The following PPFIA2 variants were observed in gnomAD, a reference collection of about 807,000 sequenced individuals.
PPFIA2 encodes the protein PPFI scaffold protein A2.
PPFIA2 carries 46 observed loss-of-function variants against 175.5 expected under a neutral mutation model. That is an observed-to-expected ratio of 0.26 (90% CI 0.21 to 0.34). The LOEUF (loss-of-function observed/expected upper bound fraction) is 0.34, where lower values mean the gene tolerates loss of function less well. PPFIA2 is among the 10% of genes least tolerant of loss of function. PPFIA2 has a pLI of 1.00. For synonymous variants in PPFIA2, 568 were observed against 511.4 expected, an observed-to-expected ratio of 1.11 and a Z score of -1.49; for missense variants, 1,179 against 1,506.1, an observed-to-expected ratio of 0.78 and a Z score of 3.60.
intron 4 of PPFIA2, among the ~76,000 whole-genome samples, chr12:81,489,193 T>C (rs913077500): frequency 6.6e-6 from 1 of 151,668 alleles, no homozygotes; most frequent in African/African-American, 2.4e-5. Flanking sequence ...TTGGAAAGAG[T>C]TTAAAATTTA....
chr12:81,437,802 C>T (rs2049354888), intron 7 of PPFIA2, among the ~76,000 whole-genome samples: 1 of 152,020 alleles, frequency 6.6e-6, no homozygotes, highest in Admixed American at 6.6e-5. Flanking sequence ...GTTCCAGGAA[C>T]AAGTACACCC....
intron 3 of PPFIA2, among the ~76,000 whole-genome samples, chr12:81,685,106 G>A (rs1026756780): frequency 6.6e-6 from 1 of 151,874 alleles, no homozygotes; most frequent in Non-Finnish European, 1.5e-5. Context: ...ATAGTGTGTT[G>A]GTTCACAGCA....
chr12:81,343,013 T>TA (rs1242971558), intron 19 of PPFIA2, among the ~76,000 whole-genome samples: 4 of 151,836 alleles, frequency 2.6e-5, no homozygotes, highest in Non-Finnish European at 5.9e-5. Flanking sequence ...GAATATCACT[T>TA]AGAGTTTTGG....
intron 5 of PPFIA2, among the ~76,000 whole-genome samples, chr12:81,450,458 A>G (rs971688393): frequency 6.6e-6 from 1 of 152,130 alleles, no homozygotes; most frequent in Non-Finnish European, 1.5e-5. Context: ...GTCTGTTCGT[A>G]TCCTTCGCCC....
At chr12:81,618,487 G>T (rs2061642883) in intron 4 of PPFIA2, among the ~76,000 whole-genome samples, 1 of 148,624 alleles carries the variant, frequency 6.7e-6, no homozygotes, top group Non-Finnish European at 1.5e-5. Flanking sequence ...ATAATTAAAA[G>T]AACTTTCATT....
At chr12:81,623,299 A>G (rs1444852963) in intron 4 of PPFIA2, among the ~76,000 whole-genome samples, 1 of 152,054 alleles carries the variant, frequency 6.6e-6, no homozygotes, top group Non-Finnish European at 1.5e-5. Flanking sequence ...CAAAATAGTG[A>G]AAAGAGAGAT....
chr12:81,709,734 GT>G (rs1010311932), intron 3 of PPFIA2, among the ~76,000 whole-genome samples: 7 of 151,956 alleles, frequency 4.6e-5, no homozygotes, highest in Non-Finnish European at 1.0e-4. Context: ...CAAATCTCCT[GT>G]GTTGAATACT....
chr12:81,459,458 TATC>T (rs979799463), intron 4 of PPFIA2, among the ~76,000 whole-genome samples: 6 of 152,274 alleles, frequency 3.9e-5, no homozygotes, highest in African/African-American at 9.6e-5. Context: ...TCTGTATATT[TATC>T]ATACTAATTA....
chr12:81,585,397 C>G (rs2075162112), intron 4 of PPFIA2, among the ~76,000 whole-genome samples: 1 of 151,646 alleles, frequency 6.6e-6, no homozygotes, highest in Admixed American at 6.6e-5. Flanking sequence ...TTTGACTCTT[C>G]TGTAATAACA....
intron 7 of PPFIA2, among the ~76,000 whole-genome samples, chr12:81,437,985 T>A (rs949067801): frequency 2.6e-5 from 4 of 151,844 alleles, no homozygotes; most frequent in African/African-American, 4.8e-5. Context: ...AATCTGGTCA[T>A]CAAAAAGTTT....
chr12:81,584,275 C>G (rs2074857583), intron 4 of PPFIA2, among the ~76,000 whole-genome samples: 1 of 151,790 alleles, frequency 6.6e-6, no homozygotes, highest in African/African-American at 2.4e-5. Context: ...TGTAGTCAGA[C>G]AGTGATAAAT....
chr12:81,375,599 A>G lies in PPFIA2; in HGVS notation c.1131+197T>C. 4 of 604,622 alleles carry G rather than the reference A, an allele frequency of 6.6e-6. No individual in the cohort carries two copies. In the South Asian group the frequency reaches 8.2e-5, roughly 12 times the overall value. 37.5% of individuals were successfully genotyped at this position (604,622 alleles called of 1,614,324 possible). ...GTAAATCAGAGTCATTATTTGTATTACTATTAAGATAAATAATTTATCTTT... is the reference window on the plus strand; with the variant it reads ...GTAAATCAGAGTCATTATTTGTATTGCTATTAAGATAAATAATTTATCTTT... On this transcript the variant is annotated intron_variant, in intron 10 of 32. Coordinates refer to ENST00000549396, the MANE Select transcript of PPFIA2 (RefSeq NM_003625.5).
chr12:81,374,602 ATC>A, intron 11 of PPFIA2, 30 bp downstream of exon 11: 1 of 1,572,730 alleles, frequency 6.4e-7, no homozygotes, highest in South Asian at 1.2e-5. Context: ...CTACAAATAT[ATC>A]TAGGTTGACC....
intron 3 of PPFIA2, among the ~76,000 whole-genome samples, chr12:81,723,437 C>G (rs10778828): frequency 6.6e-6 from 1 of 150,764 alleles, no homozygotes; most frequent in Non-Finnish European, 1.5e-5. Context: ...AATGAACTTT[C>G]TTAAGATTCA....
chr12:81,648,357 A>G (rs1464550358), intron 4 of PPFIA2, among the ~76,000 whole-genome samples: 1 of 152,080 alleles, frequency 6.6e-6, no homozygotes, highest in Non-Finnish European at 1.5e-5. Context: ...CTATGTAAAA[A>G]AAGCTATTAG....
intron 25 of PPFIA2, among the ~76,000 whole-genome samples, chr12:81,284,015 T>G (rs1485502482): frequency 1.3e-5 from 2 of 152,216 alleles, no homozygotes; most frequent in African/African-American, 2.4e-5. Context: ...TCCTTATTGT[T>G]TGTGTACTAT....
At chr12:81,668,399 G>A (rs554708721) in intron 4 of PPFIA2, among the ~76,000 whole-genome samples, 69 of 152,098 alleles carry the variant, frequency 4.5e-4, no homozygotes, top group Non-Finnish European at 1.3e-4. Context: ...ATTTACTGGA[G>A]AAGAAACAAA....
chr12:81,659,551 G>T (rs186933405), intron 4 of PPFIA2, among the ~76,000 whole-genome samples: 1 of 152,334 alleles, frequency 6.6e-6, no homozygotes, highest in East Asian at 1.9e-4. Flanking sequence ...AAACAAAGCA[G>T]CGGGGAAGCT....
chr12:81,703,277 C>T (rs775507356), intron 3 of PPFIA2, among the ~76,000 whole-genome samples: 24 of 152,114 alleles, frequency 1.6e-4, no homozygotes, highest in Non-Finnish European at 2.8e-4. Flanking sequence ...ACACCTCATA[C>T]TAAATAAGTT....
Sources: allele counts gnomAD v4.1 joint callset (sites outside exome capture counted in the v4.1 genomes callset), GRCh38; gene constraint gnomAD v4.1.1; transcripts MANE v1.5; gene names NCBI Gene and HGNC (gene_info 2026-07-23, HGNC 2026-07-21).